Variants in WDR36 observed in about 807,000 individuals in gnomAD.
The protein encoded by WDR36 is WD repeat domain 36, also known as WD repeat-containing protein 36.
Under a neutral mutation model 112.7 loss-of-function variants are expected in WDR36, and 63 were observed. The ratio of observed to expected loss-of-function variants is 0.56; its 90% CI spans 0.46 to 0.69. The LOEUF (loss-of-function observed/expected upper bound fraction) is 0.69, where lower values mean the gene tolerates loss of function less well. Ranked by LOEUF, WDR36 falls within the 30% of genes least tolerant of loss-of-function variation. The pLI is 0.00. For missense variants in WDR36, 1,226 were observed against 1,070.3 expected (o/e 1.15, Z -2.03); for synonymous variants, 410 against 362.2 (o/e 1.13, Z -1.50).
At chr5:111,099,036 T>C (rs542411989) in intron 4 of WDR36, among the ~76,000 whole-genome samples, 197 bp downstream of exon 4, 1 of 152,302 alleles carries the variant, frequency 6.6e-6, no homozygotes, top group African/African-American at 2.4e-5. Context: ...TAACTACTTA[T>C]AAACTGTTTA....
At position 111,106,114 on chromosome 5, in the gene WDR36, G is replaced by T; in HGVS notation, c.1151G>T (p.Arg384Ile). The T allele has an allele frequency of 6.2e-7, 1 of 1,610,160 alleles. No homozygotes were observed. The highest frequency in any genetic ancestry group is 1.1e-5 in the South Asian group (1 of 91,000). The change falls in exon 11 of 23, where the codon AGA becomes ATA. Residue 384 changes from arginine (R) to isoleucine (I), a missense_variant. Coordinates refer to ENST00000513710, the MANE Select transcript of WDR36 (RefSeq NM_139281.3). ...RKGLQNTMSV[R>I]LPPITKFAAE... is the part of the protein sequence containing the mutation. ...GGACTTCAGAATACCATGTCAGTGAGACTTCCACCCATCACAAAGTTTGCA... is the reference window on the plus strand; with the variant it reads ...GGACTTCAGAATACCATGTCAGTGATACTTCCACCCATCACAAAGTTTGCA...
Position 111,113,142 on chromosome 5 carries a change from T to A in WDR36, c.1785T>A (p.Leu595=), listed in dbSNP as rs754096055. 4 of 1,586,776 alleles carry A rather than the reference T, an allele frequency of 2.5e-6. No individual in the cohort carries two copies. The highest frequency in any genetic ancestry group is 2.2e-5 in the South Asian group (2 of 90,564). The part of the protein sequence containing the change: ...AMDCSIRTWD[L]PSGCLIDCFL... ...ATTGCTCTATTAGGACTTGGGACCT[T>A]CCTTCTGGGTGGTAAGTTTATATTT... The change falls in exon 16 of 23, where the codon CTT becomes CTA. Residue 595 remains leucine (L), a synonymous_variant. Transcript: ENST00000513710.
At chr5:111,111,916 A>T (rs1753349164) in intron 15 of WDR36, among the ~76,000 whole-genome samples, 1 of 151,890 alleles carries the variant, frequency 6.6e-6, no homozygotes, top group Non-Finnish European at 1.5e-5. Context: ...GATTTGCTTG[A>T]AAATAGAAAA....
chr5:111,106,985 G>A (rs1032736704), intron 11 of WDR36, among the ~76,000 whole-genome samples: 1 of 151,312 alleles, frequency 6.6e-6, no homozygotes, highest in Admixed American at 6.6e-5. Context: ...ATAAGACACT[G>A]TCATACTTTA....
At chr5:111,111,373 T>G in intron 15 of WDR36, 95 bp downstream of exon 15, 4 of 982,768 alleles carry the variant, frequency 4.1e-6, no homozygotes, top group Non-Finnish European at 6.5e-6. Context: ...TATGAGGTGG[T>G]TATCAATTTT....
intron 2 of WDR36, among the ~76,000 whole-genome samples, chr5:111,095,399 C>T (rs530647210): frequency 1.2e-4 from 18 of 152,228 alleles, no homozygotes; most frequent in East Asian, 3.9e-4. Flanking sequence ...TCATTTGTAA[C>T]GAATAAGTAT....
In WDR36 at chr5:111,103,811, T is replaced by A; in HGVS notation, c.623T>A (p.Ile208Asn). 6.2e-7 allele frequency: 1 copy of A among 1,611,262 alleles called. No individual in the cohort carries two copies. Among genetic ancestry groups the A allele is most frequent in the Non-Finnish European group, 8.5e-7 (1 of 1,178,150 alleles). Reference protein sequence around the residue: ...QQAPAVDVVAIGLMSGQVIIH... With the variant: ...QQAPAVDVVANGLMSGQVIIH... ...GCACCAGCCGTGGATGTTGTTGCTA[T>A]TGGTCTTATGTCAGGTCAAGTTATC... The change falls in exon 7 of 23, where the codon ATT becomes AAT. Residue 208 changes from isoleucine to asparagine, a missense_variant. Transcript: ENST00000513710.
Position 111,100,646 on chromosome 5 carries a change from A to C in WDR36, c.467A>C (p.His156Pro), listed in dbSNP as rs142088179. The C allele has an allele frequency of 0.013, 20,347 of 1,605,922 alleles. 187 individuals are homozygous for C. The highest frequency in any genetic ancestry group is 0.015 in the Non-Finnish European group (17,742 of 1,175,168). ...GTATTTAAAATTTCTGCAATTTTGC[A>C]TCCAAGTACCTACTTGAATAAAATA... ...KSVFKISAILHPSTYLNKILL... is the reference protein window; with the variant it reads ...KSVFKISAILPPSTYLNKILL... Residue 156 changes from histidine to proline, a missense_variant, in exon 5 of 23, where the codon CAT (histidine) becomes CCT (proline). Transcript: ENST00000513710.
At chr5:111,105,195 T>C in intron 9 of WDR36, 100 bp from the exon 10 acceptor site, 1 of 1,285,376 alleles carries the variant, frequency 7.8e-7, no homozygotes, top group Admixed American at 1.7e-5. Context: ...TCCCAAACTG[T>C]AACTTCAAGA....
chr5:111,101,404 T>C (rs1288528463), intron 5 of WDR36, among the ~76,000 whole-genome samples: 1 of 151,890 alleles, frequency 6.6e-6, no homozygotes, highest in Non-Finnish European at 1.5e-5. Flanking sequence ...GAAGATTTTC[T>C]ATACATGAAG....
rs1334524401 is a variant in WDR36, at chr5:111,102,371, G to C, written c.569G>C (p.Trp190Ser). 11 of 1,610,118 alleles carry C rather than the reference G, an allele frequency of 6.8e-6. No homozygotes were observed. The highest frequency in any genetic ancestry group is 9.3e-6 in the Non-Finnish European group (11 of 1,177,666). The change falls in exon 6 of 23, where the codon TGG becomes TCG. Residue 190 changes from tryptophan to serine, a missense_variant. Transcript: ENST00000513710. ...SNKLLYTFPG[W>S]KVGVTALQQA... ...AAACTTCTATATACATTTCCAGGATGGAAAGTTGGAGTGACAGCTCTTCAG... is the reference window on the plus strand; with the variant it reads ...AAACTTCTATATACATTTCCAGGATCGAAAGTTGGAGTGACAGCTCTTCAG...
At chr5:111,124,913 G>T (rs1753647478) in intron 21 of WDR36, among the ~76,000 whole-genome samples, 1 of 152,156 alleles carries the variant, frequency 6.6e-6, no homozygotes. Flanking sequence ...ACTATATACT[G>T]AAGGATCTAA....
At chr5:111,111,869 G>T (rs1359532078) in intron 15 of WDR36, among the ~76,000 whole-genome samples, 1 of 151,830 alleles carries the variant, frequency 6.6e-6, no homozygotes, top group East Asian at 1.9e-4. Context: ...ACCATATTAA[G>T]TGTATATTAT....
chr5:111,104,119 T>C (rs1200859553), intron 7 of WDR36, 58 bp from the exon 8 acceptor site: 1 of 1,504,524 alleles, frequency 6.6e-7, no homozygotes, highest in Non-Finnish European at 9.1e-7. Flanking sequence ...AGAAGAATTC[T>C]TGTTTATTTT....
In WDR36 at chr5:111,098,830, T is replaced by C. The variant is rs1753050933; in HGVS notation, c.400T>C (p.Tyr134His). ...TGGCATTCTTATTATTTGGCACATA[T>C]ATTCAGAAGGTAAGAGTTAACTCAT... The part of the protein sequence containing the change: ...TDGILIIWHI[Y>H]SEEEYLQLTF... The change falls in exon 4 of 23, where the codon TAT becomes CAT. Residue 134 changes from tyrosine to histidine, a missense_variant. Coordinates refer to ENST00000513710, the MANE Select transcript of WDR36 (RefSeq NM_139281.3). 2.5e-6 allele frequency: 4 copies of C among 1,591,870 alleles called. No individual in the cohort carries two copies. Among genetic ancestry groups the C allele is most frequent in the South Asian group, 1.1e-5 (1 of 90,618 alleles).
intron 18 of WDR36, 124 bp from the exon 19 acceptor site, chr5:111,120,872 A>ATAAATGAACAGTCTACAAGGCTGCAT (rs1341387443): frequency 4.6e-5 from 41 of 900,630 alleles, no homozygotes; most frequent in Non-Finnish European, 6.5e-5. Context: ...AGTAAATGAA[A>ATAAATGAACAGTCTACAAGGCTGCAT]TAAATGAACA....
chr5:111,095,542 T>C (rs1752957039), intron 2 of WDR36, among the ~76,000 whole-genome samples: 1 of 152,228 alleles, frequency 6.6e-6, no homozygotes, highest in Non-Finnish European at 1.5e-5. Flanking sequence ...TGCATGTTGA[T>C]TATCCTTAAT....
intron 13 of WDR36, 136 bp downstream of exon 13, chr5:111,110,439 G>C (rs1753304548): frequency 2.7e-6 from 2 of 748,754 alleles, no homozygotes; most frequent in Admixed American, 2.2e-5. Flanking sequence ...CTATATGGCA[G>C]ATACTGCAAT....
intron 15 of WDR36, chr5:111,111,682 T>G (rs1753342396): frequency 5.2e-6 from 1 of 190,836 alleles, no homozygotes; most frequent in Non-Finnish European, 1.1e-5. Flanking sequence ...TTTATTTTAG[T>G]TTAGTGCTAT....
Sources: gnomAD v4.1 joint callset for allele counts (sites outside exome capture counted in the v4.1 genomes callset) on GRCh38, gnomAD v4.1.1 for gene constraint, MANE v1.5 for transcripts, NCBI Gene and HGNC (gene_info 2026-07-23, HGNC 2026-07-21) for gene names.